MYBPC1: variants seen among roughly 807,000 people sequenced by gnomAD.
MYBPC1 encodes the protein myosin-binding protein C, slow-type.
A neutral mutation model predicts 147.1 loss-of-function variants in MYBPC1; 52 were observed. That is an observed-to-expected ratio of 0.35 (90% CI 0.28 to 0.45). MYBPC1 has a LOEUF of 0.45. Among genes scored for constraint, MYBPC1 ranks in the 20% least tolerant of loss-of-function variants. The pLI, the probability that MYBPC1 is intolerant of heterozygous loss-of-function variation, is 1.00. For synonymous variants in MYBPC1, 477 were observed against 475.9 expected, an observed-to-expected ratio of 1.00 and a Z score of -0.03; for missense variants, 1,228 against 1,440.3, an observed-to-expected ratio of 0.85 and a Z score of 2.39.
rs1330720124 is a variant in MYBPC1, at chr12:101,677,301, A to C, written c.3016A>C (p.Asn1006His). 1.9e-6 allele frequency: 3 copies of C among 1,613,760 alleles called. No homozygotes were observed. Among genetic ancestry groups the C allele is most frequent in the Non-Finnish European group, 2.5e-6 (3 of 1,179,878 alleles). Residue 1006 changes from asparagine (N) to histidine (H), a missense_variant, in exon 27 of 32, where the codon AAT becomes CAT. By Grantham distance (68) the Asn-to-His change is moderately conservative. This residue lies in a region of MYBPC1 where 1,077 missense variants were observed against 1,314.2 expected (regional missense o/e 0.82). Transcript: ENST00000361466. The part of the protein sequence containing the change: ...SATITELVIG[N>H]EYYFRVFSEN... ...CACCATTACTGAATTGGTCATAGGG[A>C]ATGAATATTACTTCCGGGTCTTTTC...
At chr12:101,597,112 G>A (rs768973149) in intron 1 of MYBPC1, among the ~76,000 whole-genome samples, 8 of 152,134 alleles carry the variant, frequency 5.3e-5, no homozygotes, top group African/African-American at 1.4e-4. Flanking sequence ...TAAGGAGTAC[G>A]GCAATTCATG....
In MYBPC1 at chr12:101,646,767, A is replaced by G. The variant is rs1010252778; in HGVS notation, c.970A>G (p.Ile324Val). Reference protein sequence around the residue: ...GQEIRPSTKYIFEHKGCQRIL... With the variant: ...GQEIRPSTKYVFEHKGCQRIL... ...TTTTCATCCTATTCAAAACAGATACATCTTTGAACACAAAGGATGCCAGAG... is the reference window on the plus strand; with the variant it reads ...TTTTCATCCTATTCAAAACAGATACGTCTTTGAACACAAAGGATGCCAGAG... The change falls in exon 13 of 32, where the codon ATC becomes GTC. Residue 324 changes from isoleucine to valine, a missense_variant. Ile to Val is a conservative substitution (Grantham distance 29, BLOSUM62 3). This residue lies in a region of MYBPC1 where 1,077 missense variants were observed against 1,314.2 expected (regional missense o/e 0.82). Coordinates refer to ENST00000361466, the MANE Select transcript of MYBPC1 (RefSeq NM_002465.4). 1.9e-6 allele frequency: 3 copies of G among 1,612,888 alleles called. No individual in the cohort carries two copies. Among genetic ancestry groups the G allele is most frequent in the Non-Finnish European group, 2.5e-6 (3 of 1,178,808 alleles).
chr12:101,659,571 A>T (rs895331081), intron 18 of MYBPC1, 101 bp from the exon 19 acceptor site: 15 of 1,216,448 alleles, frequency 1.2e-5, no homozygotes, highest in African/African-American at 7.5e-5. Flanking sequence ...TCTATACACT[A>T]TACACTCTAT....
intron 13 of MYBPC1, among the ~76,000 whole-genome samples, chr12:101,647,311 T>C (rs934000040): frequency 2.0e-5 from 3 of 152,206 alleles, no homozygotes; most frequent in Non-Finnish European, 4.4e-5. Context: ...ATGTCTTCCT[T>C]ATTTTCTTTA....
chr12:101,621,086 T>C (rs975739593), intron 3 of MYBPC1, among the ~76,000 whole-genome samples: 1 of 152,192 alleles, frequency 6.6e-6, no homozygotes, highest in African/African-American at 2.4e-5. Context: ...TTTAAAAAAA[T>C]TTAGGTTCTT....
chr12:101,618,491 G>C (rs1886642680), intron 3 of MYBPC1, among the ~76,000 whole-genome samples: 1 of 152,158 alleles, frequency 6.6e-6, no homozygotes, highest in South Asian at 2.1e-4. Context: ...TTCTCTACAA[G>C]GCCAATGGGC....
chr12:101,678,243 C>A lies in MYBPC1; in HGVS notation c.3246+5C>A, dbSNP rs761418710. On this transcript the variant is annotated splice_donor_5th_base_variant and intron_variant, in intron 28 of 31. Coordinates refer to ENST00000361466, the MANE Select transcript of MYBPC1 (RefSeq NM_002465.4). ...AGTGTGAGAGGAAATCCTAAGGTACCATGTTCTTCTATCACATCAGTTAAA... is the reference window on the plus strand; with the variant it reads ...AGTGTGAGAGGAAATCCTAAGGTACAATGTTCTTCTATCACATCAGTTAAA... 1 of 1,613,980 alleles carries A rather than the reference C, an allele frequency of 6.2e-7. No homozygotes were observed. Among genetic ancestry groups the A allele is most frequent in the Non-Finnish European group, 8.5e-7 (1 of 1,179,862 alleles).
At chr12:101,675,127 C>T (rs1899648410) in intron 25 of MYBPC1, among the ~76,000 whole-genome samples, 165 bp from the exon 26 acceptor site, 1 of 152,036 alleles carries the variant, frequency 6.6e-6, no homozygotes, top group South Asian at 2.1e-4. Context: ...TGGCCTGGCT[C>T]CATACTACTG....
rs1345605001 is a variant in MYBPC1, at chr12:101,685,862, A to C, written c.*300A>C. On this transcript the variant is annotated 3_prime_UTR_variant, in exon 32 of 32. Coordinates refer to ENST00000361466, the MANE Select transcript of MYBPC1 (RefSeq NM_002465.4). ...GATTGCTTAATTAAAAATTGCAAAC[A>C]AAATCTCATTTGAAGTCAGCACTTT... The C allele has an allele frequency of 1.9e-6, 1 of 517,760 alleles. No individual in the cohort carries two copies. Among genetic ancestry groups the C allele is most frequent in the African/African-American group, 2.0e-5 (1 of 51,108 alleles). The allele number at this position is 517,760 out of a possible 1,614,324, so 32.1% of individuals were successfully genotyped here.
At chr12:101,653,039 A>G in intron 17 of MYBPC1, 76 bp from the exon 18 acceptor site, 1 of 1,548,424 alleles carries the variant, frequency 6.5e-7, no homozygotes, top group African/African-American at 1.4e-5. Context: ...TACTACCATC[A>G]TACTAGCCAA....
chr12:101,676,500 G>A (rs1042479994), intron 26 of MYBPC1, among the ~76,000 whole-genome samples: 2 of 152,004 alleles, frequency 1.3e-5, no homozygotes, highest in African/African-American at 2.4e-5. Context: ...CATACCTGTA[G>A]TCCCAGCACT....
chr12:101,670,247 G>A lies in MYBPC1; in HGVS notation c.2525-74G>A, dbSNP rs1262718589. 1.5e-5 allele frequency: 17 copies of A among 1,148,922 alleles called. No homozygotes were observed. In the East Asian group the frequency reaches 4.0e-4, roughly 27 times the overall value. The allele number at this position is 1,148,922 out of a possible 1,614,324, so 71.2% of individuals were successfully genotyped here. A position where few individuals can be genotyped will look rare whatever the true frequency, so the allele number is the denominator to read the frequency against. On this transcript the variant is annotated intron_variant, in intron 23 of 31. Transcript: ENST00000361466. ...ACAAGGGTACGCTGGTGAGCATCAT[G>A]CCATTTTGCTTTTGTAAGGCTATTT... is the stretch of plus-strand genomic sequence containing the variant.
chr12:101,638,266 T>C (rs1171480000), intron 10 of MYBPC1, among the ~76,000 whole-genome samples: 7 of 152,216 alleles, frequency 4.6e-5, no homozygotes, highest in Non-Finnish European at 1.0e-4. Context: ...TTGCGTAGAA[T>C]ATAATGCTAC....
intron 15 of MYBPC1, chr12:101,650,896 T>C (rs939664816): frequency 5.5e-6 from 2 of 362,246 alleles, no homozygotes; most frequent in Non-Finnish European, 1.1e-5. Flanking sequence ...TGATGAGTAG[T>C]TGTGACCTCA....
intron 28 of MYBPC1, among the ~76,000 whole-genome samples, chr12:101,678,485 C>T (rs1393355477): frequency 6.6e-6 from 1 of 152,158 alleles, no homozygotes; most frequent in African/African-American, 2.4e-5. Context: ...AAGAACATCT[C>T]CTGTGTAAGG....
chr12:101,597,700 G>A (rs1877896103), intron 1 of MYBPC1, among the ~76,000 whole-genome samples: 1 of 152,180 alleles, frequency 6.6e-6, no homozygotes, highest in Non-Finnish European at 1.5e-5. Context: ...TTCTTAAGGA[G>A]TAACCACTTC....
At chr12:101,662,614 A>T in intron 21 of MYBPC1, 68 bp downstream of exon 21, 1 of 1,545,014 alleles carries the variant, frequency 6.5e-7, no homozygotes, top group Non-Finnish European at 8.9e-7. Flanking sequence ...TTTCTCTCTG[A>T]TCCCTAACTG....
intron 28 of MYBPC1, among the ~76,000 whole-genome samples, chr12:101,679,817 G>A (rs1307167917): frequency 2.6e-5 from 4 of 151,098 alleles, no homozygotes; most frequent in Non-Finnish European, 5.9e-5. Flanking sequence ...TGAAAAAAAT[G>A]CTCAGCAAAT....
intron 10 of MYBPC1, among the ~76,000 whole-genome samples, chr12:101,638,192 A>G (rs775735783): frequency 6.6e-6 from 1 of 152,242 alleles, no homozygotes; most frequent in Non-Finnish European, 1.5e-5. Flanking sequence ...CTTTAGGAAG[A>G]CAAGAGAGCT....
Sources: gnomAD v4.1 joint callset for allele counts (sites outside exome capture counted in the v4.1 genomes callset) on GRCh38, gnomAD v4.1.1 for gene constraint, gnomAD v4.1.1 regional missense constraint, MANE v1.5 for transcripts, NCBI Gene and HGNC (gene_info 2026-07-23, HGNC 2026-07-21) for gene names.